Variants in KDM4B observed in about 807,000 individuals in gnomAD.
KDM4B encodes the protein lysine-specific demethylase 4B.
Under a neutral mutation model 125.2 loss-of-function variants are expected in KDM4B, and 32 were observed. That is an observed-to-expected ratio of 0.26 (90% CI 0.19 to 0.34). The LOEUF is 0.34. Among genes scored for constraint, KDM4B ranks in the 10% least tolerant of loss-of-function variants. The probability of loss-of-function intolerance (pLI) is 1.00; values close to 1 mark genes in which losing one functional copy is unlikely to be tolerated. For missense variants in KDM4B, 1,190 were observed against 1,577.7 expected (o/e 0.75, Z 4.16); for synonymous variants, 721 against 677.9 (o/e 1.06, Z -0.99).
chr19:5,119,056 C>A, intron 10 of KDM4B: 1 of 1,026,784 alleles, frequency 9.7e-7, no homozygotes, highest in Non-Finnish European at 1.5e-6. Context: ...TGGCCAGGAC[C>A]AGGCGTCCTG....
intron 10 of KDM4B, among the ~76,000 whole-genome samples, chr19:5,118,844 GGT>G (rs1366826184): frequency 6.6e-6 from 1 of 152,202 alleles, no homozygotes; most frequent in Non-Finnish European, 1.5e-5. Context: ...CAGGATTGTG[GGT>G]GTCCAGGTTG....
chr19:4,972,840 G>A (rs1206623102), intron 1 of KDM4B, among the ~76,000 whole-genome samples: 1 of 152,204 alleles, frequency 6.6e-6, no homozygotes. Flanking sequence ...CAGGGTGGCA[G>A]CTTCCACCTG....
At chr19:5,002,290 A>G (rs2362523) in intron 1 of KDM4B, among the ~76,000 whole-genome samples, 59,887 of 151,778 alleles carry the variant, frequency 0.39, 12,559 homozygotes, top group East Asian at 0.73. Context: ...GAGTCACCTC[A>G]CCCAGTGCAA....
intron 10 of KDM4B, chr19:5,113,849 T>G: frequency 1.0e-6 from 1 of 976,170 alleles, no homozygotes; most frequent in Non-Finnish European, 1.2e-6. Context: ...TTCCCTGCCC[T>G]CGGCGTGGCT....
chr19:5,077,484 G>C lies in KDM4B; in HGVS notation c.780+14G>C. On this transcript the variant is annotated intron_variant, in intron 8 of 22. Coordinates refer to ENST00000159111, the MANE Select transcript of KDM4B (RefSeq NM_015015.3). ...CCCTTCAGCCGGGTGCGTACGGGTGGGGCCTGCACGCCTGTGGGTGAAGTG... is the reference window on the plus strand; with the variant it reads ...CCCTTCAGCCGGGTGCGTACGGGTGCGGCCTGCACGCCTGTGGGTGAAGTG... 1 of 1,603,158 alleles carries C rather than the reference G, an allele frequency of 6.2e-7. No individual in the cohort carries two copies. The highest frequency in any genetic ancestry group is 1.1e-5 in the South Asian group (1 of 90,904).
intron 5 of KDM4B, 52 bp from the exon 6 acceptor site, chr19:5,047,424 C>T: frequency 6.6e-7 from 1 of 1,522,642 alleles, no homozygotes. Flanking sequence ...CCAGGGCTCG[C>T]AGGTTCTGGG....
intron 11 of KDM4B, among the ~76,000 whole-genome samples, chr19:5,125,562 C>T (rs1255708055): frequency 6.6e-6 from 1 of 152,200 alleles, no homozygotes; most frequent in Non-Finnish European, 1.5e-5. Context: ...CAACTCGCTC[C>T]CTCCCGAGAT....
chr19:5,077,600 C>T, intron 8 of KDM4B, 130 bp downstream of exon 8: 1 of 727,418 alleles, frequency 1.4e-6, no homozygotes, highest in Non-Finnish European at 2.3e-6. Flanking sequence ...ATTAGCATGC[C>T]AGAGGAGGGC....
intron 1 of KDM4B, among the ~76,000 whole-genome samples, chr19:4,996,464 C>A (rs1568214504): frequency 6.6e-6 from 1 of 152,230 alleles, no homozygotes; most frequent in East Asian, 1.9e-4. Context: ...AGCCTCAGCC[C>A]CCTGGGCTCA....
At chr19:5,119,894 A>AC in intron 11 of KDM4B, 42 bp downstream of exon 11, 8 of 1,538,128 alleles carry the variant, frequency 5.2e-6, no homozygotes, top group Non-Finnish European at 7.0e-6. Flanking sequence ...CTGTTTTCCC[A>AC]CCCCCGTGGG....
At chr19:5,133,240 C>G (rs967322645) in intron 13 of KDM4B, among the ~76,000 whole-genome samples, 1 of 152,144 alleles carries the variant, frequency 6.6e-6, no homozygotes, top group Admixed American at 6.5e-5. Context: ...GGAGAGAGAC[C>G]GCCGCGGCTT....
At chr19:4,996,146 C>T (rs954035113) in intron 1 of KDM4B, among the ~76,000 whole-genome samples, 8 of 152,114 alleles carry the variant, frequency 5.3e-5, no homozygotes, top group African/African-American at 1.7e-4. Flanking sequence ...TGTGCCACGA[C>T]GCCTGGCTAA....
At chr19:5,077,289 CCTGCCCAGAGGG>C in intron 7 of KDM4B, 66 bp from the exon 8 acceptor site, 1 of 1,240,918 alleles carries the variant, frequency 8.1e-7, no homozygotes, top group Non-Finnish European at 1.2e-6. Context: ...AAAGAGCCAG[CCTGCCCAGAGGG>C]CAGCATCCTC....
chr19:5,106,195 G>C (rs1346547409), intron 9 of KDM4B, among the ~76,000 whole-genome samples: 1 of 152,188 alleles, frequency 6.6e-6, no homozygotes, highest in Non-Finnish European at 1.5e-5. Flanking sequence ...CCTCCCTGTT[G>C]TGTGTCGTTT....
rs143004754 is a variant in KDM4B at position 5,071,013 on chromosome 19, C to T, written c.630C>T (p.Tyr210=). The T allele has an allele frequency of 2.8e-4, 444 of 1,613,546 alleles. 2 individuals carry two copies. The highest frequency in any genetic ancestry group is 2.1e-4 in the African/African-American group (16 of 75,060). The change falls in exon 7 of 23, where the codon TAC becomes TAT. Residue 210 remains tyrosine, a synonymous_variant. Transcript: ENST00000159111. The part of the protein sequence containing the change: ...YLHFGEPKSW[Y]AIPPEHGKRL... The stretch of plus-strand genomic sequence containing the variant: ...ACGTGCCTCCCTTCTCTCGCAGGTA[C>T]GCCATCCCACCAGAGCACGGCAAGC...
intron 2 of KDM4B, among the ~76,000 whole-genome samples, chr19:5,031,182 G>C (rs932947854): frequency 3.3e-5 from 5 of 152,360 alleles, no homozygotes; most frequent in Admixed American, 3.3e-4. Context: ...GGGATCCTGG[G>C]GCCTGTGGGG....
At position 5,137,953 on chromosome 19, in the gene KDM4B, C is replaced by T. The variant is rs2039678859; in HGVS notation, c.2442-9C>T. ...GGCGCACCTGACCCCGCTGCACCTG[C>T]CCTCCCAGGTGGATCCACGTGATCT... On this transcript the variant is annotated splice_polypyrimidine_tract_variant and intron_variant, in intron 17 of 22. Coordinates refer to ENST00000159111, the MANE Select transcript of KDM4B (RefSeq NM_015015.3). 1.9e-6 allele frequency: 3 copies of T among 1,607,754 alleles called. No homozygotes were observed. The highest frequency in any genetic ancestry group is 2.5e-6 in the Non-Finnish European group (3 of 1,176,538).
chr19:5,044,987 C>T (rs1306416375), intron 5 of KDM4B, among the ~76,000 whole-genome samples: 1 of 152,232 alleles, frequency 6.6e-6, no homozygotes, highest in Non-Finnish European at 1.5e-5. Flanking sequence ...AGTGTGCCTG[C>T]TCATTCACCT....
At position 5,114,069 on chromosome 19, in the gene KDM4B, C is replaced by A. The variant is rs769187744; in HGVS notation, c.1115+3251C>A. 2 of 1,288,924 alleles carry A rather than the reference C, an allele frequency of 1.6e-6. No homozygotes were observed. The highest frequency in any genetic ancestry group is 2.0e-6 in the Non-Finnish European group (2 of 988,438). The allele number at this position is 1,288,924 out of a possible 1,614,324, so 79.8% of individuals were successfully genotyped here. ...CCTAAAACTGCAGCCTGGCTCCTGG[C>A]GGGTGCCCTCAGCCTCCCCACTCCC... On this transcript the variant is annotated intron_variant, in intron 10 of 22. Coordinates refer to ENST00000159111, the MANE Select transcript of KDM4B (RefSeq NM_015015.3). The surrounding 1 kb of genome is among the most constrained non-coding windows in gnomAD (Gnocchi z 5.8).
Sources: allele counts gnomAD v4.1 joint callset (sites outside exome capture counted in the v4.1 genomes callset), GRCh38; gene constraint gnomAD v4.1.1; non-coding constraint Gnocchi (gnomAD v3.1); transcripts MANE v1.5; gene names NCBI Gene and HGNC (gene_info 2026-07-23, HGNC 2026-07-21).